Variants in TFEC observed in about 807,000 individuals in gnomAD.
The protein encoded by TFEC is transcription factor EC, also known as class E basic helix-loop-helix protein 34.
TFEC carries 31 observed loss-of-function variants against 41.6 expected under a neutral mutation model. That is an observed-to-expected ratio of 0.74 (90% confidence interval 0.56 to 1.01). The LOEUF is 1.01. Ranked by LOEUF, TFEC falls within the 50% of genes least tolerant of loss-of-function variation. TFEC has a pLI of 0.00. For missense variants in TFEC, 402 were observed against 404.1 expected (o/e 0.99, Z 0.04); for synonymous variants, 143 against 140.6 (o/e 1.02, Z -0.12).
intron 3 of TFEC, among the ~76,000 whole-genome samples, chr7:116,051,035 A>G (rs1796297475): frequency 6.6e-6 from 1 of 152,120 alleles, no homozygotes; most frequent in African/African-American, 2.4e-5. Context: ...TTCTAAGCAA[A>G]CTATTGCAAG....
At chr7:116,016,130 G>C (rs1279062099) in intron 1 of TFEC, among the ~76,000 whole-genome samples, 1 of 152,168 alleles carries the variant, frequency 6.6e-6, no homozygotes, top group East Asian at 1.9e-4. Flanking sequence ...GTAGGATAGA[G>C]TTTCAAGAAA....
Position 115,938,528 on chromosome 7 carries a change from C to T in TFEC, c.*2023G>A, listed in dbSNP as rs1040067230. ...TACCCAGAAGTTAGTAATTATTTTT[C>T]CATGTCAAACAATAAAATTATTTTA... is the stretch of plus-strand genomic sequence containing the variant. On this transcript the variant is annotated 3_prime_UTR_variant, in exon 8 of 8. Transcript: ENST00000265440. 6.6e-6 allele frequency: 1 copy of T among 151,736 alleles called. No individual in the cohort carries two copies. The highest frequency in any genetic ancestry group is 1.5e-5 in the Non-Finnish European group (1 of 67,862). 9.4% of individuals were successfully genotyped at this position (151,736 alleles called of 1,614,324 possible).
intron 3 of TFEC, among the ~76,000 whole-genome samples, chr7:116,101,524 T>C (rs1797604765): frequency 6.6e-6 from 1 of 152,150 alleles, no homozygotes; most frequent in Non-Finnish European, 1.5e-5. Flanking sequence ...TTACACAATC[T>C]GTGGATTAAA....
At chr7:115,972,067 CT>C (rs911988665) in intron 3 of TFEC, among the ~76,000 whole-genome samples, 4 of 152,076 alleles carry the variant, frequency 2.6e-5, no homozygotes, top group Non-Finnish European at 5.9e-5. Flanking sequence ...TTTCCTACCC[CT>C]ATTCTACCAG....
At chr7:115,942,116 A>G in intron 6 of TFEC, 76 bp from the exon 7 acceptor site, 2 of 1,408,162 alleles carry the variant, frequency 1.4e-6, no homozygotes, top group Non-Finnish European at 1.9e-6. Flanking sequence ...AATCTTTTAC[A>G]TTAATATGAA....
chr7:116,055,728 G>T (rs1190160580), intron 3 of TFEC, among the ~76,000 whole-genome samples: 1 of 151,716 alleles, frequency 6.6e-6, no homozygotes, highest in Admixed American at 6.6e-5. Flanking sequence ...AGATAGAATA[G>T]GTATAATAAT....
At chr7:115,993,853 T>C (rs1487284279) in intron 1 of TFEC, among the ~76,000 whole-genome samples, 3 of 152,194 alleles carry the variant, frequency 2.0e-5, no homozygotes, top group African/African-American at 7.2e-5. Context: ...TGCAAAAAAC[T>C]ACTTTAAAAT....
intron 1 of TFEC, among the ~76,000 whole-genome samples, chr7:116,129,432 T>C (rs1485986344): frequency 6.6e-6 from 1 of 151,970 alleles, no homozygotes; most frequent in African/African-American, 2.4e-5. Context: ...CCTTTTTAAA[T>C]ACGGCATACA....
intron 1 of TFEC, among the ~76,000 whole-genome samples, chr7:116,120,756 A>G (rs1300162343): frequency 6.6e-6 from 1 of 152,016 alleles, no homozygotes. Flanking sequence ...ATGAAAGCAC[A>G]GAATAGGGAG....
At chr7:116,153,402 G>T (rs1321423683) in intron 1 of TFEC, among the ~76,000 whole-genome samples, 2 of 152,096 alleles carry the variant, frequency 1.3e-5, no homozygotes, top group African/African-American at 4.8e-5. Context: ...CTACAGGCAT[G>T]AGCCACCATG....
At chr7:116,146,480 C>T (rs1345833037) in intron 1 of TFEC, among the ~76,000 whole-genome samples, 2 of 152,272 alleles carry the variant, frequency 1.3e-5, no homozygotes, top group South Asian at 2.1e-4. Context: ...ATCTTCAATT[C>T]CTAATCACAA....
chr7:115,976,299 C>A (rs1283015310), intron 2 of TFEC, among the ~76,000 whole-genome samples: 1 of 151,958 alleles, frequency 6.6e-6, no homozygotes, highest in Non-Finnish European at 1.5e-5. Context: ...GTGGTGTGTG[C>A]CTGTAGTCCC....
intron 1 of TFEC, among the ~76,000 whole-genome samples, chr7:116,017,146 C>T (rs1381327516): frequency 2.6e-5 from 4 of 152,154 alleles, no homozygotes; most frequent in Non-Finnish European, 4.4e-5. Context: ...CTTCTTACAG[C>T]CTTCAAAATG....
At chr7:116,060,111 A>C (rs1796517824) in intron 3 of TFEC, among the ~76,000 whole-genome samples, 1 of 152,124 alleles carries the variant, frequency 6.6e-6, no homozygotes, top group East Asian at 1.9e-4. Context: ...AGTAAATTTA[A>C]CAAGGTTTCA....
At chr7:115,955,651 A>T (rs1320542988) in intron 4 of TFEC, among the ~76,000 whole-genome samples, 1 of 152,096 alleles carries the variant, frequency 6.6e-6, no homozygotes, top group Non-Finnish European at 1.5e-5. Flanking sequence ...ACTGAATGAG[A>T]TTATAAATGT....
intron 3 of TFEC, among the ~76,000 whole-genome samples, chr7:116,067,456 G>GA (rs1424886935): frequency 6.6e-6 from 1 of 151,790 alleles, no homozygotes; most frequent in Non-Finnish European, 1.5e-5. Context: ...AGAGAAATAT[G>GA]AAAAAAACCT....
intron 1 of TFEC, among the ~76,000 whole-genome samples, chr7:116,112,527 AT>A (rs1797878295): frequency 6.6e-6 from 1 of 151,970 alleles, no homozygotes; most frequent in African/African-American, 2.4e-5. Context: ...TGGCTAACTG[AT>A]TATAGCTGTA....
Position 116,059,756 on chromosome 7 carries a change from A to G in TFEC, c.198+50952T>C, listed in dbSNP as rs368472852. 5.9e-5 allele frequency among the ~76,000 whole-genome samples: 9 copies of G among 152,162 alleles called. No individual in the cohort carries two copies. The East Asian group carries it at 1.3e-3, about 23-fold the overall frequency. ...AAATGATATGATCAGCTCAGTAGACATCAAAAAAGTATTTGACAAAATACA... is the reference window on the plus strand; with the variant it reads ...AAATGATATGATCAGCTCAGTAGACGTCAAAAAAGTATTTGACAAAATACA... On this transcript the variant is annotated intron_variant, in intron 3 of 8. Transcript: ENST00000484212.
chr7:115,940,616 G>A lies in TFEC; in HGVS notation c.979C>T (p.Pro327Ser). ...GTDPLLSATS[P>S]AVSKESSRRS... ...CTACTGCTTTCTTTGGAAACTGCAG[G>A]GGAAGTGGCAGATAGCAGAGGATCT... Residue 327 changes from proline to serine, a missense_variant, in exon 8 of 8, where the codon CCT becomes TCT. Transcript: ENST00000265440. 1 of 1,613,428 alleles carries A rather than the reference G, an allele frequency of 6.2e-7. No individual in the cohort carries two copies.
Sources: allele counts gnomAD v4.1 joint callset (sites outside exome capture counted in the v4.1 genomes callset), GRCh38; gene constraint gnomAD v4.1.1; transcripts MANE v1.5; gene names NCBI Gene and HGNC (gene_info 2026-07-23, HGNC 2026-07-21).